Variants in CCDC13 observed in about 807,000 individuals in gnomAD.
The protein encoded by CCDC13 is coiled-coil domain-containing protein 13.
Under a neutral mutation model 87.3 loss-of-function variants are expected in CCDC13, and 70 were observed. That is an observed-to-expected ratio of 0.80 (90% CI 0.66 to 0.98). CCDC13 has a LOEUF of 0.98. CCDC13 is among the 50% of genes least tolerant of loss of function. The probability of loss-of-function intolerance (pLI) is 0.00; values close to 1 mark genes in which losing one functional copy is unlikely to be tolerated. For missense variants in CCDC13, 842 were observed against 892.0 expected (o/e 0.94, Z 0.71); for synonymous variants, 317 against 360.3 (o/e 0.88, Z 1.36).
chr3:42,726,801 CAT>C (rs1490644731), intron 13 of CCDC13, among the ~76,000 whole-genome samples: 5 of 151,554 alleles, frequency 3.3e-5, no homozygotes, highest in South Asian at 4.2e-4. Context: ...TACATATATA[CAT>C]ATGTGTGTGT....
At position 42,752,629 on chromosome 3, in the gene CCDC13, A is replaced by G; in HGVS notation, c.459T>C (p.Gly153=). 1 of 1,614,042 alleles carries G rather than the reference A, an allele frequency of 6.2e-7. No individual in the cohort carries two copies. The highest frequency in any genetic ancestry group is 8.5e-7 in the Non-Finnish European group (1 of 1,180,020). ...KNRLLMAESE[G]AKTRVKQLTN... ...TCAGCTGCTTCACCCTGGTTTTTGC[A>G]CCCTCTGATTCTGCCATCAACAGCC... Residue 153 remains glycine (G), a synonymous_variant, in exon 4 of 16, where the codon GGT becomes GGC. Coordinates refer to ENST00000310232, the MANE Select transcript of CCDC13 (RefSeq NM_144719.4).
intron 1 of CCDC13, among the ~76,000 whole-genome samples, chr3:42,759,176 G>A (rs1284202467): frequency 1.3e-5 from 2 of 152,002 alleles, no homozygotes; most frequent in African/African-American, 2.4e-5. Context: ...GGTTGTGGTG[G>A]TGCATGCCTG....
intron 2 of CCDC13, 87 bp from the exon 3 acceptor site, chr3:42,757,301 T>C (rs190857802): frequency 3.8e-6 from 5 of 1,310,780 alleles, no homozygotes; most frequent in East Asian, 2.4e-5. Flanking sequence ...GGTGGACAGA[T>C]GGACACGCAG....
intron 13 of CCDC13, 99 bp from the exon 14 acceptor site, chr3:42,713,415 T>C: frequency 8.5e-7 from 1 of 1,169,926 alleles, no homozygotes; most frequent in Non-Finnish European, 1.2e-6. Flanking sequence ...ACATCTTACA[T>C]TGGTAGTGAT....
At chr3:42,749,405 C>T (rs1388689785) in intron 5 of CCDC13, among the ~76,000 whole-genome samples, 1 of 152,228 alleles carries the variant, frequency 6.6e-6, no homozygotes, top group African/African-American at 2.4e-5. Flanking sequence ...GGCAGTGATG[C>T]CCTGTCCAAG....
At chr3:42,743,160 T>A in intron 7 of CCDC13, 103 bp from the exon 8 acceptor site, 1 of 1,324,376 alleles carries the variant, frequency 7.6e-7, no homozygotes, top group Non-Finnish European at 1.0e-6. Flanking sequence ...GAACCACCTC[T>A]CTAGATGGCT....
intron 1 of CCDC13, among the ~76,000 whole-genome samples, chr3:42,759,196 C>T (rs1049410430): frequency 2.0e-5 from 3 of 151,828 alleles, no homozygotes; most frequent in African/African-American, 7.3e-5. Context: ...GTAGTCCCAG[C>T]TACTTAGGAG....
intron 13 of CCDC13, among the ~76,000 whole-genome samples, chr3:42,715,363 C>G (rs1354102753): frequency 6.6e-6 from 1 of 151,452 alleles, no homozygotes; most frequent in African/African-American, 2.4e-5. Flanking sequence ...CACGCCTGTG[C>G]TTTGGGAGGC....
chr3:42,721,614 C>T (rs1186301764), intron 13 of CCDC13, among the ~76,000 whole-genome samples: 1 of 152,192 alleles, frequency 6.6e-6, no homozygotes, highest in Non-Finnish European at 1.5e-5. Flanking sequence ...ATATTTGTTT[C>T]TCTCTACCTG....
chr3:42,727,810 AT>A (rs1698724044), intron 13 of CCDC13, among the ~76,000 whole-genome samples: 1 of 152,246 alleles, frequency 6.6e-6, no homozygotes, highest in Non-Finnish European at 1.5e-5. Context: ...GAGATAGAAT[AT>A]CTAACTTCCA....
intron 8 of CCDC13, among the ~76,000 whole-genome samples, chr3:42,740,309 C>T (rs549199640): frequency 1.1e-4 from 16 of 152,220 alleles, no homozygotes; most frequent in African/African-American, 1.9e-4. Flanking sequence ...CAACCCCTGA[C>T]AGCACCTTGC....
intron 1 of CCDC13, among the ~76,000 whole-genome samples, chr3:42,771,917 T>G (rs1425385997): frequency 6.6e-6 from 1 of 152,162 alleles, no homozygotes; most frequent in Non-Finnish European, 1.5e-5. Context: ...ACGGAATACA[T>G]AAAGGAACTG....
chr3:42,711,724 C>T (rs1245527809), intron 14 of CCDC13, among the ~76,000 whole-genome samples: 9 of 152,218 alleles, frequency 5.9e-5, no homozygotes, highest in Non-Finnish European at 1.2e-4. Context: ...TAAATCTAGC[C>T]TCCTCATTTT....
intron 13 of CCDC13, among the ~76,000 whole-genome samples, chr3:42,721,634 C>T (rs1698563437): frequency 6.6e-6 from 1 of 152,206 alleles, no homozygotes; most frequent in Non-Finnish European, 1.5e-5. Context: ...GATTTCTCCA[C>T]AATTTGGAAA....
At chr3:42,746,201 T>A in intron 6 of CCDC13, 174 bp from the exon 7 acceptor site, 1 of 590,646 alleles carries the variant, frequency 1.7e-6, no homozygotes, top group Non-Finnish European at 3.0e-6. Context: ...CAGCTCTCCC[T>A]GGGAAAGTAG....
At chr3:42,741,815 C>A (rs1390388870) in intron 8 of CCDC13, among the ~76,000 whole-genome samples, 1 of 152,194 alleles carries the variant, frequency 6.6e-6, no homozygotes, top group African/African-American at 2.4e-5. Context: ...ATACAAAGCC[C>A]AGCAGGCCCT....
At chr3:42,734,997 G>T (rs1392032300) in intron 10 of CCDC13, among the ~76,000 whole-genome samples, 1 of 152,258 alleles carries the variant, frequency 6.6e-6, no homozygotes, top group African/African-American at 2.4e-5. Flanking sequence ...TACAGAGAGT[G>T]CAGGGGAGAA....
At chr3:42,746,196 C>T (rs915466519) in intron 6 of CCDC13, 169 bp from the exon 7 acceptor site, 3 of 598,774 alleles carry the variant, frequency 5.0e-6, no homozygotes, top group Non-Finnish European at 9.0e-6. Context: ...AAGGGCAGCT[C>T]TCCCTGGGAA....
In CCDC13 at chr3:42,752,007, T is replaced by C. The variant is rs1699595663; in HGVS notation, c.532A>G (p.Arg178Gly). 2 of 1,607,488 alleles carry C rather than the reference T, an allele frequency of 1.2e-6. No individual in the cohort carries two copies. Among genetic ancestry groups the C allele is most frequent in the South Asian group, 2.2e-5 (2 of 91,092 alleles). ...LERELQTALT[R>G]LSAKGATDAG... ...TCGGTGGCCCCCTTGGCTGACAGCCTGGTCAGGGCTGTCTGCAGCTGAAAA... is the reference window on the plus strand; with the variant it reads ...TCGGTGGCCCCCTTGGCTGACAGCCCGGTCAGGGCTGTCTGCAGCTGAAAA... The change falls in exon 5 of 16, where the codon AGG (arginine) becomes GGG (glycine). Residue 178 changes from arginine (R) to glycine (G), a missense_variant. Transcript: ENST00000310232.
Sources: gnomAD v4.1 joint callset for allele counts (sites outside exome capture counted in the v4.1 genomes callset) on GRCh38, gnomAD v4.1.1 for gene constraint, MANE v1.5 for transcripts, NCBI Gene and HGNC (gene_info 2026-07-23, HGNC 2026-07-21) for gene names.